The following KLF12 variants were observed in gnomAD, a reference collection of about 807,000 sequenced individuals.
The protein encoded by KLF12 is Krueppel-like factor 12.
KLF12 carries 9 observed loss-of-function variants against 37.8 expected under a neutral mutation model. That is an observed-to-expected ratio of 0.24 (90% CI 0.14 to 0.42). The LOEUF is 0.42. Ranked by LOEUF, KLF12 falls within the 10% of genes least tolerant of loss-of-function variation. The pLI, the probability that KLF12 is intolerant of heterozygous loss-of-function variation, is 1.00. For synonymous variants in KLF12, 208 were observed against 202.1 expected (o/e 1.03, Z -0.25); for missense variants, 411 against 516.0 (o/e 0.80, Z 1.97).
At chr13:73,751,172 T>G (rs1594046985) in intron 6 of KLF12, among the ~76,000 whole-genome samples, 1 of 152,206 alleles carries the variant, frequency 6.6e-6, no homozygotes, top group East Asian at 1.9e-4. Context: ...TTCCATGACT[T>G]TACTATTGTG....
At chr13:73,716,590 A>G (rs967013264) in intron 6 of KLF12, among the ~76,000 whole-genome samples, 1 of 152,198 alleles carries the variant, frequency 6.6e-6, no homozygotes, top group African/African-American at 2.4e-5. Flanking sequence ...TCCAGGGAAG[A>G]GCCTCTATCC....
chr13:74,217,357 G>A, the KLF12 span, among the ~76,000 whole-genome samples: 1 of 150,966 alleles, frequency 6.6e-6, no homozygotes, highest in East Asian at 1.9e-4. Context: ...GACACTACTG[G>A]TAGTACAACT....
chr13:74,276,089 G>T, the KLF12 span, among the ~76,000 whole-genome samples: 1 of 151,354 alleles, frequency 6.6e-6, no homozygotes, highest in Non-Finnish European at 1.5e-5. Context: ...TTTAAGCCCC[G>T]CATGGATTAA....
At chr13:74,111,713 C>CTTTT (rs2138927033) in intron 1 of KLF12, among the ~76,000 whole-genome samples, 1 of 97,278 alleles carries the variant, frequency 1.0e-5, no homozygotes, top group Admixed American at 1.1e-4. Context: ...AACATTTGTG[C>CTTTT]CAATGGGGAA....
At chr13:74,232,695 T>C in the KLF12 span, among the ~76,000 whole-genome samples, 1 of 152,194 alleles carries the variant, frequency 6.6e-6, no homozygotes, top group African/African-American at 2.4e-5. Context: ...GTGATAAATA[T>C]ACACTGTATA....
the KLF12 span, among the ~76,000 whole-genome samples, chr13:74,166,094 T>TC: frequency 6.8e-6 from 1 of 147,596 alleles, no homozygotes; most frequent in Non-Finnish European, 1.5e-5. Context: ...CACCTTTTTT[T>TC]TTTTTTTTTT....
At chr13:73,913,120 TTC>T (rs2139164568) in intron 3 of KLF12, among the ~76,000 whole-genome samples, 1 of 152,280 alleles carries the variant, frequency 6.6e-6, no homozygotes, top group South Asian at 2.1e-4. Context: ...GGCACAGTGT[TTC>T]TGTTTCTCAT....
At chr13:73,846,969 C>T (rs756166043) in intron 3 of KLF12, among the ~76,000 whole-genome samples, 2 of 151,984 alleles carry the variant, frequency 1.3e-5, no homozygotes, top group Non-Finnish European at 2.9e-5. Context: ...AAAACTTATC[C>T]TGAAAATTAT....
chr13:73,947,855 C>A (rs1429681267), intron 2 of KLF12, among the ~76,000 whole-genome samples: 2 of 152,056 alleles, frequency 1.3e-5, no homozygotes, highest in Non-Finnish European at 2.9e-5. Context: ...TCAACTCCTA[C>A]AATGTGCCCT....
chr13:73,872,270 G>A (rs760828768), intron 3 of KLF12, among the ~76,000 whole-genome samples: 1 of 152,094 alleles, frequency 6.6e-6, no homozygotes, highest in Non-Finnish European at 1.5e-5. Flanking sequence ...CTTTCACCCT[G>A]GGTAAGCTGA....
intron 3 of KLF12, among the ~76,000 whole-genome samples, chr13:73,903,243 G>T (rs1420595627): frequency 6.6e-6 from 1 of 152,048 alleles, no homozygotes; most frequent in Non-Finnish European, 1.5e-5. Flanking sequence ...ATCTGTGTGT[G>T]CCAGAACATG....
intron 6 of KLF12, among the ~76,000 whole-genome samples, chr13:73,730,784 T>C (rs528040748): frequency 6.6e-6 from 1 of 151,908 alleles, no homozygotes; most frequent in Non-Finnish European, 1.5e-5. Flanking sequence ...AATACCAAAT[T>C]GTCTAACAAA....
chr13:73,995,868 C>CT (rs1329366964), intron 1 of KLF12, among the ~76,000 whole-genome samples: 4 of 152,152 alleles, frequency 2.6e-5, no homozygotes, highest in African/African-American at 9.7e-5. Flanking sequence ...GGCAAATTTT[C>CT]TTTGGCATTC....
chr13:73,897,323 A>G (rs550510892), intron 3 of KLF12, among the ~76,000 whole-genome samples: 2 of 152,204 alleles, frequency 1.3e-5, no homozygotes, highest in Non-Finnish European at 2.9e-5. Flanking sequence ...TAATAAATTC[A>G]GCTTCCCAAG....
intron 6 of KLF12, among the ~76,000 whole-genome samples, chr13:73,754,119 G>A (rs1878979056): frequency 6.6e-6 from 1 of 151,988 alleles, no homozygotes; most frequent in Admixed American, 6.6e-5. Context: ...CATAGAATAC[G>A]ATGTGAATAG....
At position 73,725,833 on chromosome 13, in the gene KLF12, G is replaced by GTATTTATTTATT. The variant is rs71919762; in HGVS notation, c.870-10320_870-10309dup. Among the ~76,000 whole-genome samples the GTATTTATTTATT allele has an allele frequency of 1.7e-4, 24 of 142,252 alleles. 1 individual carries two copies. The highest frequency in any genetic ancestry group is 1.2e-3 in the South Asian group (5 of 4,296). 93.3% of individuals were successfully genotyped at this position (142,252 alleles called of 152,430 possible). A position where few individuals can be genotyped will look rare whatever the true frequency, so the allele number is the denominator to read the frequency against. Reference sequence around the variant, plus strand: ...GTTTTAGATTCCCATATTTCAAAATGTATTTATTTATTTATTTATTTATTT... The same window carrying GTATTTATTTATT: ...GTTTTAGATTCCCATATTTCAAAATGTATTTATTTATTTATTTATTTATTTATTTATTTATTT... On this transcript the variant is annotated intron_variant, in intron 6 of 7. Coordinates refer to ENST00000377669, the MANE Select transcript of KLF12 (RefSeq NM_007249.5).
intron 6 of KLF12, among the ~76,000 whole-genome samples, chr13:73,757,367 A>T (rs1879244080): frequency 6.6e-6 from 1 of 152,154 alleles, no homozygotes; most frequent in Non-Finnish European, 1.5e-5. Context: ...CTTAAAACTA[A>T]TTTAAAGAAA....
the KLF12 span, among the ~76,000 whole-genome samples, chr13:74,249,062 T>C: frequency 6.6e-6 from 1 of 152,086 alleles, no homozygotes; most frequent in East Asian, 1.9e-4. Context: ...AGAAAATTTG[T>C]GGACCCTGGA....
At chr13:73,852,231 C>T (rs1176534034) in intron 3 of KLF12, among the ~76,000 whole-genome samples, 1 of 152,144 alleles carries the variant, frequency 6.6e-6, no homozygotes, top group Non-Finnish European at 1.5e-5. Flanking sequence ...CAAGGGCAAA[C>T]TCTTAAACAT....
Sources: allele counts gnomAD v4.1 joint callset (sites outside exome capture counted in the v4.1 genomes callset), GRCh38; gene constraint gnomAD v4.1.1; transcripts MANE v1.5; gene names NCBI Gene and HGNC (gene_info 2026-07-23, HGNC 2026-07-21).